Variants in ADGRE1 observed in about 807,000 individuals in gnomAD.
The protein encoded by ADGRE1 is adhesion G protein-coupled receptor E1, also known as EGF-like module receptor 1.
Under a neutral mutation model 102.7 loss-of-function variants are expected in ADGRE1, and 82 were observed. The observed-to-expected ratio is 0.80, with a 90% CI of 0.67 to 0.96. The LOEUF (loss-of-function observed/expected upper bound fraction) is 0.96, where lower values mean the gene tolerates loss of function less well. Ranked by LOEUF, ADGRE1 falls within the 40% of genes least tolerant of loss-of-function variation. The pLI is 0.00. For missense variants in ADGRE1, 1,032 were observed against 1,085.3 expected, an observed-to-expected ratio of 0.95 and a Z score of 0.69; for synonymous variants, 398 against 399.6, an observed-to-expected ratio of 1.00 and a Z score of 0.05.
chr19:6,896,643 T>C (rs1973562170), intron 3 of ADGRE1, 102 bp downstream of exon 3: 2 of 1,354,202 alleles, frequency 1.5e-6, no homozygotes, highest in East Asian at 5.0e-5. Context: ...CCATTTTTTT[T>C]TAAATCTGGT....
intron 20 of ADGRE1, among the ~76,000 whole-genome samples, chr19:6,939,196 C>A (rs1002238520): frequency 6.6e-6 from 1 of 152,146 alleles, no homozygotes; most frequent in East Asian, 1.9e-4. Context: ...TTGCCCATAT[C>A]ATGGATGACA....
intron 12 of ADGRE1, among the ~76,000 whole-genome samples, chr19:6,917,956 G>A (rs1974461792): frequency 6.6e-6 from 1 of 152,130 alleles, no homozygotes. Flanking sequence ...ACATTTGTGA[G>A]GAAGCCAGTG....
chr19:6,915,514 C>T (rs887396138), intron 11 of ADGRE1, among the ~76,000 whole-genome samples: 13 of 152,120 alleles, frequency 8.5e-5, no homozygotes, highest in Non-Finnish European at 1.8e-4. Flanking sequence ...ATTTAGGCAG[C>T]TAGTGCGTGG....
In ADGRE1 at chr19:6,921,724, G is replaced by A; in HGVS notation, c.1632G>A (p.Lys544=). The change falls in exon 14 of 21, where the codon AAG becomes AAA. Residue 544 remains lysine (K), a synonymous_variant. Transcript: ENST00000312053. ...TTTGTTTTTTTTAGCCAAAGCAGAAGTTTGAGAGGCCCATCTGTGTTTCCT... is the reference window on the plus strand; with the variant it reads ...TTTGTTTTTTTTAGCCAAAGCAGAAATTTGAGAGGCCCATCTGTGTTTCCT... ...YTLENIQPKQ[K]FERPICVSWS... is the part of the protein sequence containing the mutation. The A allele has an allele frequency of 6.3e-7, 1 of 1,598,104 alleles. No individual in the cohort carries two copies. The highest frequency in any genetic ancestry group is 8.5e-7 in the Non-Finnish European group (1 of 1,174,880).
At position 6,919,731 on chromosome 19, in the gene ADGRE1, C is replaced by T. The variant is rs1239530220; in HGVS notation, c.1604C>T (p.Thr535Ile). The T allele has an allele frequency of 6.2e-7, 1 of 1,613,400 alleles. No homozygotes were observed. The highest frequency in any genetic ancestry group is 1.3e-5 in the African/African-American group (1 of 74,822). ...KDGFSDPIIY[T>I]LENIQPKQKF... Reference sequence around the variant, plus strand: ...GGCTTCTCAGATCCAATCATCTACACTCTGGAGAACATTCAGGTTTGTGAA... The same window carrying T: ...GGCTTCTCAGATCCAATCATCTACATTCTGGAGAACATTCAGGTTTGTGAA... Residue 535 changes from threonine (T) to isoleucine (I), a missense_variant, in exon 13 of 21, where the codon ACT (threonine) becomes ATT (isoleucine). Physicochemically the swap from Thr to Ile is moderately conservative, Grantham distance 89. Transcript: ENST00000312053.
intron 15 of ADGRE1, among the ~76,000 whole-genome samples, chr19:6,925,476 AG>A (rs2057287508): frequency 6.6e-6 from 1 of 152,070 alleles, no homozygotes; most frequent in Non-Finnish European, 1.5e-5. Context: ...TTTTGTCCCC[AG>A]GGGAGACTTG....
At chr19:6,937,671 C>A in intron 20 of ADGRE1, 23 bp downstream of exon 20, 1 of 1,609,414 alleles carries the variant, frequency 6.2e-7, no homozygotes. Context: ...ATGCTCCCTG[C>A]AGGTGCTGGT....
chr19:6,922,151 C>T (rs1974694798), intron 14 of ADGRE1, among the ~76,000 whole-genome samples: 1 of 152,150 alleles, frequency 6.6e-6, no homozygotes, highest in East Asian at 1.9e-4. Flanking sequence ...TTAATGAGCA[C>T]ATACAGTGTG....
chr19:6,889,887 T>G (rs1599705956), intron 1 of ADGRE1, among the ~76,000 whole-genome samples: 1 of 152,102 alleles, frequency 6.6e-6, no homozygotes, highest in East Asian at 1.9e-4. Flanking sequence ...TCACCCCTTT[T>G]GAGAATGCAT....
intron 5 of ADGRE1, 126 bp downstream of exon 5, chr19:6,897,673 A>G: frequency 9.7e-7 from 1 of 1,027,432 alleles, no homozygotes; most frequent in South Asian, 2.9e-5. Flanking sequence ...AGAGGTAAAA[A>G]TATATAGTTG....
At chr19:6,904,503 A>G (rs1371446428) in intron 8 of ADGRE1, among the ~76,000 whole-genome samples, 2 of 151,764 alleles carry the variant, frequency 1.3e-5, no homozygotes, top group East Asian at 1.9e-4. Context: ...ATAACTATGA[A>G]TGAAACAACA....
chr19:6,903,982 A>G, intron 7 of ADGRE1, 32 bp downstream of exon 7: 1 of 1,614,090 alleles, frequency 6.2e-7, no homozygotes, highest in South Asian at 1.1e-5. Context: ...CAATCCAGAA[A>G]AGACATTTCT....
Position 6,914,595 on chromosome 19 carries a change from C to T in ADGRE1, c.1300+765C>T, listed in dbSNP as rs149166057. ...AGTTCCTACCTAATGGATGCCCAGA[C>T]GGCCAAGAGGTGGAAATAAAGTATT... On this transcript the variant is annotated intron_variant, in intron 11 of 20. Transcript: ENST00000312053. Among the ~76,000 whole-genome samples, 534 of 152,204 alleles carry T rather than the reference C, an allele frequency of 3.5e-3. 7 individuals carry two copies. The highest frequency in any genetic ancestry group is 0.012 in the African/African-American group (497 of 41,510).
intron 1 of ADGRE1, among the ~76,000 whole-genome samples, chr19:6,890,167 T>C (rs1973308090): frequency 6.6e-6 from 1 of 152,156 alleles, no homozygotes; most frequent in Non-Finnish European, 1.5e-5. Context: ...CCTCCCACCT[T>C]GGCCTCCCGA....
Position 6,902,002 on chromosome 19 carries a change from T to C in ADGRE1, c.642T>C (p.Gly214=). 6.2e-7 allele frequency: 1 copy of C among 1,614,126 alleles called. No homozygotes were observed. Among genetic ancestry groups the C allele is most frequent in the East Asian group, 2.2e-5 (1 of 44,882 alleles). ...ESSSGHLSFQ[G]LKASCEDIDE... ...GCAGTGGCCACTTGAGTTTCCAGGG[T>C]CTCAAAGCATCGTGTGAAGGTAGGT... is the stretch of plus-strand genomic sequence containing the variant. The change falls in exon 6 of 21, where the codon GGT becomes GGC. Residue 214 remains glycine (G), a synonymous_variant. Coordinates refer to ENST00000312053, the MANE Select transcript of ADGRE1 (RefSeq NM_001974.5).
At chr19:6,935,132 A>G (rs1975348871) in intron 18 of ADGRE1, 54 bp downstream of exon 18, 4 of 1,458,650 alleles carry the variant, frequency 2.7e-6, no homozygotes, top group South Asian at 1.3e-5. Context: ...TCTTCTTCCC[A>G]GAAAAGTTCT....
At chr19:6,921,576 C>T in intron 13 of ADGRE1, 137 bp from the exon 14 acceptor site, 1 of 1,014,406 alleles carries the variant, frequency 9.9e-7, no homozygotes, top group Non-Finnish European at 1.4e-6. Context: ...TAATGAAATA[C>T]CAGCATTTTT....
At chr19:6,926,059 T>A (rs1254039689) in intron 15 of ADGRE1, among the ~76,000 whole-genome samples, 1 of 152,176 alleles carries the variant, frequency 6.6e-6, no homozygotes, top group Non-Finnish European at 1.5e-5. Context: ...TGAACCCGCC[T>A]GTTTTCAACC....
Position 6,935,043 on chromosome 19 carries a change from T to C in ADGRE1, c.2346T>C (p.Ser782=). 2 of 1,601,962 alleles carry C rather than the reference T, an allele frequency of 1.2e-6. No homozygotes were observed. Among genetic ancestry groups the C allele is most frequent in the Non-Finnish European group, 1.7e-6 (2 of 1,173,780 alleles). The change falls in exon 18 of 21, where the codon AGT becomes AGC. Residue 782 remains serine (S), a synonymous_variant. Coordinates refer to ENST00000312053, the MANE Select transcript of ADGRE1 (RefSeq NM_001974.5). The part of the protein sequence containing the change: ...TLWILRQRLS[S]VNAEVSTLKD... ...GGATCCTGAGGCAGAGGCTTTCCAG[T>C]GTTAATGCCGAAGTCTCAACGCTAA...
Sources: allele counts gnomAD v4.1 joint callset (sites outside exome capture counted in the v4.1 genomes callset), GRCh38; gene constraint gnomAD v4.1.1; transcripts MANE v1.5; gene names NCBI Gene and HGNC (gene_info 2026-07-23, HGNC 2026-07-21).